The following DYNAP variants were observed in gnomAD, a reference collection of about 807,000 sequenced individuals.
DYNAP encodes dynactin associated protein, also known as dynactin-associated protein.
In DYNAP, 7 loss-of-function variants were observed where a neutral mutation model predicts 8.5. The ratio of observed to expected loss-of-function variants is 0.82; its 90% CI spans 0.47 to 1.54. The LOEUF (loss-of-function observed/expected upper bound fraction) is 1.54. DYNAP is among the 40% of genes most tolerant of loss of function. The probability of loss-of-function intolerance (pLI) is 0.01; values close to 1 mark genes in which losing one functional copy is unlikely to be tolerated. For synonymous variants in DYNAP, 77 were observed against 77.9 expected, an observed-to-expected ratio of 0.99 and a Z score of 0.06; for missense variants, 256 against 224.3, an observed-to-expected ratio of 1.14 and a Z score of -0.90.
chr18:54,593,649 G>A (rs1201381727), intron 1 of DYNAP, among the ~76,000 whole-genome samples: 1 of 152,074 alleles, frequency 6.6e-6, no homozygotes, highest in South Asian at 2.1e-4. Flanking sequence ...TTTTGGCTGG[G>A]TACAGAAGCT....
At chr18:54,589,930 A>G (rs1331100213), upstream of DYNAP, among the ~76,000 whole-genome samples, 1 of 152,126 alleles carries the variant, frequency 6.6e-6, no homozygotes, top group Non-Finnish European at 1.5e-5. Flanking sequence ...CTTGTACCCC[A>G]TGGCTGTTTG....
upstream of DYNAP, among the ~76,000 whole-genome samples, chr18:54,587,364 C>T (rs756581817): frequency 1.8e-4 from 27 of 152,180 alleles, no homozygotes; most frequent in Non-Finnish European, 3.4e-4. Context: ...CCAGCCTGGG[C>T]AACACAGCGA....
chr18:54,581,890 T>C, the DYNAP span, among the ~76,000 whole-genome samples: 2 of 152,212 alleles, frequency 1.3e-5, no homozygotes, highest in African/African-American at 4.8e-5. Context: ...TTTTAAAAAG[T>C]TCTGCCAGCA....
chr18:54,595,831 G>A (rs973784553), intron 2 of DYNAP, among the ~76,000 whole-genome samples: 3 of 152,060 alleles, frequency 2.0e-5, no homozygotes, highest in Admixed American at 6.6e-5. Context: ...CCTTCCTTTC[G>A]CTGCTTAGTC....
the DYNAP span, among the ~76,000 whole-genome samples, chr18:54,577,683 A>G: frequency 6.6e-6 from 1 of 151,880 alleles, no homozygotes; most frequent in Non-Finnish European, 1.5e-5. Flanking sequence ...GTTGAAGTCT[A>G]AGAAAGTGTT....
At chr18:54,583,286 G>T (rs1046822427), upstream of DYNAP, among the ~76,000 whole-genome samples, 1 of 152,138 alleles carries the variant, frequency 6.6e-6, no homozygotes, top group Admixed American at 6.6e-5. Context: ...GAGACTGAAG[G>T]GTAGAGTGCA....
intron 2 of DYNAP, among the ~76,000 whole-genome samples, chr18:54,596,357 A>G (rs1599453915): frequency 6.6e-6 from 1 of 151,942 alleles, no homozygotes; most frequent in African/African-American, 2.4e-5. Flanking sequence ...ACAAGCATGA[A>G]CCTCCATGTC....
At position 54,594,957 on chromosome 18, in the gene DYNAP, G is replaced by T; in HGVS notation, c.76G>T (p.Asp26Tyr). 1 of 1,610,620 alleles carries T rather than the reference G, an allele frequency of 6.2e-7. No individual in the cohort carries two copies. Among genetic ancestry groups the T allele is most frequent in the Non-Finnish European group, 8.5e-7 (1 of 1,178,212 alleles). ...ENQPPITHPN[D>Y]QEAHSSICWC... Reference sequence around the variant, plus strand: ...TTTGTAGCCAATCACACATCCAAATGACCAAGAGGCTCACAGTTCCATATG... The same window carrying T: ...TTTGTAGCCAATCACACATCCAAATTACCAAGAGGCTCACAGTTCCATATG... The change falls in exon 2 of 3, where the codon GAC becomes TAC. Residue 26 changes from aspartate (D) to tyrosine (Y), a missense_variant. By Grantham distance (160) the Asp-to-Tyr change is radical (BLOSUM62 -3). Transcript: ENST00000648945.
At chr18:54,583,568 A>T (rs1257081707), upstream of DYNAP, among the ~76,000 whole-genome samples, 1 of 152,202 alleles carries the variant, frequency 6.6e-6, no homozygotes, top group Non-Finnish European at 1.5e-5. Flanking sequence ...AATCACTTAC[A>T]TCTTCATAGT....
the DYNAP span, among the ~76,000 whole-genome samples, chr18:54,577,827 C>T: frequency 1.1e-3 from 168 of 151,964 alleles, 3 homozygotes; most frequent in South Asian, 0.03. Context: ...ATTAGCCGGG[C>T]ACGGTGGCAG....
upstream of DYNAP, chr18:54,587,779 G>A (rs1401992360): frequency 5.0e-6 from 2 of 400,260 alleles, no homozygotes; most frequent in Non-Finnish European, 8.9e-6. Context: ...GTGTAAGTCA[G>A]CCAGAGAGAC....
intron 2 of DYNAP, among the ~76,000 whole-genome samples, chr18:54,596,476 C>A (rs1487798309): frequency 6.6e-6 from 1 of 152,136 alleles, no homozygotes; most frequent in African/African-American, 2.4e-5. Flanking sequence ...ATCAGAAACT[C>A]TGGGGGGTGG....
At chr18:54,597,120 A>G (rs1480409140) in intron 2 of DYNAP, among the ~76,000 whole-genome samples, 1 of 152,118 alleles carries the variant, frequency 6.6e-6, no homozygotes, top group East Asian at 1.9e-4. Flanking sequence ...TAAATTCTAT[A>G]TTATACTGCA....
At chr18:54,591,118 C>T (rs995138196), upstream of DYNAP, 5 of 1,334,526 alleles carry the variant, frequency 3.7e-6, no homozygotes, top group South Asian at 1.7e-5. Flanking sequence ...AAGGTGGATC[C>T]TGTTTTAGTG....
chr18:54,597,990 G>T lies in DYNAP; in HGVS notation c.400G>T (p.Val134Phe). Residue 134 changes from valine (V) to phenylalanine (F), a missense_variant, in exon 3 of 3, where the codon GTC becomes TTC. Val to Phe is a conservative substitution (Grantham distance 50, BLOSUM62 -1). Coordinates refer to ENST00000648945, the MANE Select transcript of DYNAP (RefSeq NM_173629.3). ...CACAAATGATGGAGAGTGTGTGACTGTCAAACCTGGAACACCCTCTCCTGC... is the reference window on the plus strand; with the variant it reads ...CACAAATGATGGAGAGTGTGTGACTTTCAAACCTGGAACACCCTCTCCTGC... ...LSTNDGECVT[V>F]KPGTPSPACP... 1 of 1,613,470 alleles carries T rather than the reference G, an allele frequency of 6.2e-7. No individual in the cohort carries two copies. Among genetic ancestry groups the T allele is most frequent in the Non-Finnish European group, 8.5e-7 (1 of 1,179,748 alleles).
chr18:54,577,050 T>C, the DYNAP span, among the ~76,000 whole-genome samples: 2 of 152,202 alleles, frequency 1.3e-5, no homozygotes, highest in Admixed American at 6.5e-5. Flanking sequence ...ACTTATTTCT[T>C]AACTCCTACA....
rs763561357 is a variant in DYNAP, at chr18:54,598,119, A to G, written c.529A>G (p.Thr177Ala). Residue 177 changes from threonine (T) to alanine (A), a missense_variant, in exon 3 of 3, where the codon ACT becomes GCT. Transcript: ENST00000648945. ...TAATTSTEPI[T>A]VAPTDHL Reference sequence around the variant, plus strand: ...TGCCACCACTTCCACAGAACCTATAACTGTTGCACCTACCGATCATTTATA... The same window carrying G: ...TGCCACCACTTCCACAGAACCTATAGCTGTTGCACCTACCGATCATTTATA... 6.2e-7 allele frequency: 1 copy of G among 1,611,064 alleles called. No homozygotes were observed. Among genetic ancestry groups the G allele is most frequent in the East Asian group, 2.2e-5 (1 of 44,834 alleles).
the DYNAP span, among the ~76,000 whole-genome samples, chr18:54,581,223 GAATT>G: frequency 2.0e-5 from 3 of 152,140 alleles, no homozygotes; most frequent in African/African-American, 2.4e-5. Flanking sequence ...ACAGTTGTTA[GAATT>G]AATTATTTGC....
At chr18:54,585,319 T>C (rs547862720), upstream of DYNAP, among the ~76,000 whole-genome samples, 15 of 152,334 alleles carry the variant, frequency 9.8e-5, no homozygotes, top group African/African-American at 3.1e-4. Flanking sequence ...CCAAAGACTA[T>C]TGTATTGTTC....
Sources: gnomAD v4.1 joint callset for allele counts (sites outside exome capture counted in the v4.1 genomes callset) on GRCh38, gnomAD v4.1.1 for gene constraint, MANE v1.5 for transcripts, NCBI Gene and HGNC (gene_info 2026-07-23, HGNC 2026-07-21) for gene names.